Variants in ARRB1 observed in about 807,000 individuals in gnomAD.
The protein encoded by ARRB1 is beta-arrestin-1.
ARRB1 carries 21 observed loss-of-function variants against 56.8 expected under a neutral mutation model. The observed-to-expected ratio is 0.37, with a 90% confidence interval of 0.26 to 0.53. The LOEUF (loss-of-function observed/expected upper bound fraction) is 0.53. ARRB1 is among the 20% of genes least tolerant of loss of function. The pLI, the probability that ARRB1 is intolerant of heterozygous loss-of-function variation, is 0.88. For missense variants in ARRB1, 424 were observed against 553.7 expected, an observed-to-expected ratio of 0.77 and a Z score of 2.35; for synonymous variants, 210 against 218.6, an observed-to-expected ratio of 0.96 and a Z score of 0.35.
intron 6 of ARRB1, chr11:75,281,508 A>G (rs1459183740): frequency 1.8e-5 from 6 of 338,670 alleles, no homozygotes; most frequent in Admixed American, 4.4e-5. Context: ...CTTATCCGGT[A>G]TTCCTCTAAC....
intron 1 of ARRB1, among the ~76,000 whole-genome samples, chr11:75,337,654 G>C (rs1032193093): frequency 6.6e-6 from 1 of 152,092 alleles, no homozygotes; most frequent in Non-Finnish European, 1.5e-5. Flanking sequence ...AGTGCCATCC[G>C]GGAAGCCTGC....
At chr11:75,346,341 C>T (rs1206030187) in intron 1 of ARRB1, among the ~76,000 whole-genome samples, 1 of 152,154 alleles carries the variant, frequency 6.6e-6, no homozygotes. Flanking sequence ...TCAGCCTGAG[C>T]CTGAAAGGAG....
intron 3 of ARRB1, among the ~76,000 whole-genome samples, chr11:75,286,055 G>A (rs1055803157): frequency 6.6e-6 from 1 of 152,070 alleles, no homozygotes; most frequent in Non-Finnish European, 1.5e-5. Context: ...TTCTGCTCTA[G>A]GCCATGAAGG....
At chr11:75,326,004 A>G (rs909754911) in intron 1 of ARRB1, among the ~76,000 whole-genome samples, 1 of 152,196 alleles carries the variant, frequency 6.6e-6, no homozygotes. Context: ...CATGACAGGT[A>G]GGGAAACTAA....
intron 1 of ARRB1, among the ~76,000 whole-genome samples, chr11:75,329,556 G>A (rs1040605821): frequency 2.0e-5 from 3 of 152,170 alleles, no homozygotes; most frequent in Non-Finnish European, 4.4e-5. Context: ...CTGTCTCTTT[G>A]TGTAAGATGG....
At chr11:75,306,047 A>T (rs1219315898) in intron 1 of ARRB1, among the ~76,000 whole-genome samples, 2 of 151,884 alleles carry the variant, frequency 1.3e-5, no homozygotes, top group Non-Finnish European at 1.5e-5. Flanking sequence ...CCGACACCAC[A>T]CTGCAAAGGC....
At chr11:75,272,530 T>C (rs1468644424) in intron 12 of ARRB1, among the ~76,000 whole-genome samples, 1 of 152,022 alleles carries the variant, frequency 6.6e-6, no homozygotes, top group Non-Finnish European at 1.5e-5. Flanking sequence ...TGGGGGTGGG[T>C]GCTATGCCCA....
intron 1 of ARRB1, among the ~76,000 whole-genome samples, chr11:75,330,348 A>G (rs1338351031): frequency 1.3e-5 from 2 of 152,162 alleles, no homozygotes; most frequent in Non-Finnish European, 2.9e-5. Flanking sequence ...GTTGAAGGAA[A>G]GCTGTTTCTC....
chr11:75,347,589 T>A (rs542801239), intron 1 of ARRB1, among the ~76,000 whole-genome samples: 8 of 152,294 alleles, frequency 5.3e-5, no homozygotes, highest in African/African-American at 1.9e-4. Flanking sequence ...AGGCCAACTG[T>A]GAGCCAGACA....
At chr11:75,350,000 C>A (rs144192249) in intron 1 of ARRB1, among the ~76,000 whole-genome samples, 73 of 152,386 alleles carry the variant, frequency 4.8e-4, no homozygotes, top group African/African-American at 1.7e-3. Context: ...TGGCCTCTAG[C>A]CCTCTGGTTC....
chr11:75,270,183 T>A (rs1946044709), intron 13 of ARRB1, among the ~76,000 whole-genome samples: 1 of 152,156 alleles, frequency 6.6e-6, no homozygotes, highest in African/African-American at 2.4e-5. Flanking sequence ...AAGAGCTGAG[T>A]TAAACTGTGA....
intron 14 of ARRB1, 134 bp downstream of exon 14, chr11:75,268,755 G>A: frequency 1.1e-6 from 1 of 909,334 alleles, no homozygotes; most frequent in Non-Finnish European, 1.7e-6. Flanking sequence ...ATCGAGTTCT[G>A]GACCCCACAA....
At chr11:75,298,780 A>G (rs1946823822) in intron 1 of ARRB1, among the ~76,000 whole-genome samples, 1 of 152,232 alleles carries the variant, frequency 6.6e-6, no homozygotes, top group African/African-American at 2.4e-5. Context: ...AGTGAAAAAA[A>G]AAATCTATCA....
intron 1 of ARRB1, among the ~76,000 whole-genome samples, chr11:75,299,656 A>G (rs77380765): frequency 0.013 from 1,943 of 152,252 alleles, 36 homozygotes; most frequent in African/African-American, 0.042. Flanking sequence ...CTGGGTTAGG[A>G]GCCCCTCAGC....
intron 1 of ARRB1, among the ~76,000 whole-genome samples, chr11:75,315,777 T>C (rs1478897765): frequency 6.6e-6 from 1 of 152,020 alleles, no homozygotes; most frequent in Admixed American, 6.6e-5. Flanking sequence ...TCCACCAGGA[T>C]AAAGAAGCAT....
intron 1 of ARRB1, among the ~76,000 whole-genome samples, chr11:75,326,550 AGTGTGG>A (rs1947436482): frequency 6.6e-6 from 1 of 152,054 alleles, no homozygotes; most frequent in East Asian, 1.9e-4. Flanking sequence ...CAGCTTGGGC[AGTGTGG>A]GAAGTCTGGC....
intron 13 of ARRB1, among the ~76,000 whole-genome samples, chr11:75,270,519 T>C (rs1392686539): frequency 6.6e-6 from 1 of 152,226 alleles, no homozygotes; most frequent in Non-Finnish European, 1.5e-5. Flanking sequence ...TCCCAGCTAC[T>C]TGGGAGGCTG....
At chr11:75,316,760 T>A (rs539945274) in intron 1 of ARRB1, among the ~76,000 whole-genome samples, 287 of 151,608 alleles carry the variant, frequency 1.9e-3, no homozygotes, top group African/African-American at 3.3e-3. Flanking sequence ...TTTAAAAAAA[T>A]TTTTTTTTAA....
intron 1 of ARRB1, among the ~76,000 whole-genome samples, chr11:75,334,302 C>CAA (rs1339789296): frequency 6.2e-5 from 1 of 16,026 alleles, no homozygotes; most frequent in Non-Finnish European, 1.1e-4. Context: ...GACTCCGTCT[C>CAA]AAACAAAAAA....
Sources: gnomAD v4.1 joint callset for allele counts (sites outside exome capture counted in the v4.1 genomes callset) on GRCh38, gnomAD v4.1.1 for gene constraint, MANE v1.5 for transcripts, NCBI Gene and HGNC (gene_info 2026-07-23, HGNC 2026-07-21) for gene names.